KIRREL3: variants seen among roughly 807,000 people sequenced by gnomAD.
KIRREL3 encodes kirre like nephrin family adhesion molecule 3.
A neutral mutation model predicts 89.7 loss-of-function variants in KIRREL3; 36 were observed. The ratio of observed to expected loss-of-function variants is 0.40; its 90% CI spans 0.31 to 0.53. The LOEUF is 0.53. Ranked by LOEUF, KIRREL3 falls within the 20% of genes least tolerant of loss-of-function variation. The pLI is 0.49. For synonymous variants in KIRREL3, 445 were observed against 441.4 expected, an observed-to-expected ratio of 1.01 and a Z score of -0.10; for missense variants, 864 against 1,056.6, an observed-to-expected ratio of 0.82 and a Z score of 2.53.
At chr11:126,800,734 A>AC (rs2134392471) in intron 1 of KIRREL3, among the ~76,000 whole-genome samples, 1 of 152,238 alleles carries the variant, frequency 6.6e-6, no homozygotes, top group South Asian at 2.1e-4. Context: ...CAAACAGGCC[A>AC]CCCCTACAGC....
chr11:126,564,684 C>T lies in KIRREL3; in HGVS notation c.56-1772G>A, dbSNP rs889960043. 2.0e-5 allele frequency among the ~76,000 whole-genome samples: 3 copies of T among 152,182 alleles called. No homozygotes were observed. The highest frequency in any genetic ancestry group is 1.9e-4 in the East Asian group (1 of 5,176). ...CTTTCTTCAGGGGCTCCTGCTCTGTCGCAGGCCTCATGGATCAAAGCCCCT... is the reference window on the plus strand; with the variant it reads ...CTTTCTTCAGGGGCTCCTGCTCTGTTGCAGGCCTCATGGATCAAAGCCCCT... On this transcript the variant is annotated intron_variant, in intron 1 of 16. Coordinates refer to ENST00000525144, the MANE Select transcript of KIRREL3 (RefSeq NM_032531.4). The surrounding 1 kb of genome is among the most constrained non-coding windows in gnomAD (Gnocchi z 7.4).
At chr11:126,497,684 T>C (rs1191860264) in intron 4 of KIRREL3, among the ~76,000 whole-genome samples, 1 of 152,232 alleles carries the variant, frequency 6.6e-6, no homozygotes, top group Non-Finnish European at 1.5e-5. Context: ...GTAAGCTGCT[T>C]GAACTGAGAA....
At position 126,465,170 on chromosome 11, in the gene KIRREL3, G is replaced by A. The variant is rs138673451; in HGVS notation, c.592-1863C>T. 3.5e-3 allele frequency among the ~76,000 whole-genome samples: 537 copies of A among 152,232 alleles called. 5 individuals are homozygous for A. The highest frequency in any genetic ancestry group is 8.1e-3 in the Admixed American group (124 of 15,304). On this transcript the variant is annotated intron_variant, in intron 5 of 16. Transcript: ENST00000525144. ...GTACTAGGAAGGAACCTCACTATGGGTGCAGTCCTGTTTCCCCCGACTGGA... is the reference window on the plus strand; with the variant it reads ...GTACTAGGAAGGAACCTCACTATGGATGCAGTCCTGTTTCCCCCGACTGGA...
rs1010906485 is a variant in KIRREL3, at chr11:126,570,644, T to G, written c.56-7732A>C. The stretch of plus-strand genomic sequence containing the variant: ...CACTGGGATAACCCTTTGCCAGCCC[T>G]GCCTTCTCCAGCCTGCTCCAGCCAT... On this transcript the variant is annotated intron_variant, in intron 1 of 16. Coordinates refer to ENST00000525144, the MANE Select transcript of KIRREL3 (RefSeq NM_032531.4). The surrounding 1 kb of genome is among the most constrained non-coding windows in gnomAD (Gnocchi z 6.1). Among the ~76,000 whole-genome samples the G allele has an allele frequency of 2.0e-5, 3 of 152,206 alleles. No homozygotes were observed. The highest frequency in any genetic ancestry group is 4.4e-5 in the Non-Finnish European group (3 of 68,030).
At chr11:126,453,127 C>G (rs567703233) in intron 7 of KIRREL3, among the ~76,000 whole-genome samples, 1 of 143,570 alleles carries the variant, frequency 7.0e-6, no homozygotes, top group Admixed American at 7.3e-5. Context: ...CAGCTTAAGC[C>G]TCTCCCAATC....
intron 1 of KIRREL3, among the ~76,000 whole-genome samples, chr11:126,596,229 G>A (rs1275038905): frequency 2.0e-5 from 3 of 152,230 alleles, no homozygotes; most frequent in Admixed American, 2.0e-4. Context: ...CAACCAACAA[G>A]AATGTTCTGT....
chr11:126,928,678 C>T (rs1169116816), intron 1 of KIRREL3, among the ~76,000 whole-genome samples: 1 of 152,196 alleles, frequency 6.6e-6, no homozygotes, highest in African/African-American at 2.4e-5. Flanking sequence ...ACCAGCATGA[C>T]TGGGTGGAAA....
Position 126,544,985 on chromosome 11 carries a change from G to A in KIRREL3, c.133+17850C>T, listed in dbSNP as rs924319856. Among the ~76,000 whole-genome samples the A allele has an allele frequency of 1.3e-5, 2 of 152,104 alleles. No homozygotes were observed. The highest frequency in any genetic ancestry group is 2.1e-4 in the South Asian group (1 of 4,820). On this transcript the variant is annotated intron_variant, in intron 2 of 16. Transcript: ENST00000525144. This position sits in a 1 kb window ranked among gnomAD's most constrained non-coding sequence, Gnocchi z 5.6. ...AATCTAATAAATTACTTGGTACCCGGCTGCCAGCTCAGACTAAGCCCAATA... is the reference window on the plus strand; with the variant it reads ...AATCTAATAAATTACTTGGTACCCGACTGCCAGCTCAGACTAAGCCCAATA...
At chr11:126,681,815 T>C (rs1292552155) in intron 1 of KIRREL3, 10 of 448,302 alleles carry the variant, frequency 2.2e-5, no homozygotes, top group South Asian at 1.4e-4. Context: ...TGGATCAGTA[T>C]TCCTGAGGAA....
At chr11:126,725,159 T>C (rs1389218690) in intron 1 of KIRREL3, among the ~76,000 whole-genome samples, 1 of 152,202 alleles carries the variant, frequency 6.6e-6, no homozygotes, top group African/African-American at 2.4e-5. Context: ...GGGTAACCAC[T>C]GAGGCAGCAG....
chr11:126,932,421 A>G (rs1363848848), intron 1 of KIRREL3, among the ~76,000 whole-genome samples: 1 of 152,084 alleles, frequency 6.6e-6, no homozygotes, highest in Non-Finnish European at 1.5e-5. Context: ...CGTCTTGGAC[A>G]CCGAAAGTGG....
rs1354669658 is a variant in KIRREL3, at chr11:126,443,011, G to A, written c.1252+1968C>T. ...AGTGCCCTCCCCGTCCAAGAGAAAT[G>A]TCCCTCCCGGCCTGTGTTCCCCAGG... is the stretch of plus-strand genomic sequence containing the variant. On this transcript the variant is annotated intron_variant, in intron 10 of 16. Transcript: ENST00000525144. This position sits in a 1 kb window ranked among gnomAD's most constrained non-coding sequence, Gnocchi z 7.3. Among the ~76,000 whole-genome samples, 1 of 152,186 alleles carries A rather than the reference G, an allele frequency of 6.6e-6. No homozygotes were observed. Among genetic ancestry groups the A allele is most frequent in the East Asian group, 1.9e-4 (1 of 5,188 alleles).
At chr11:126,925,097 CGGGGG>C (rs5795536) in intron 1 of KIRREL3, among the ~76,000 whole-genome samples, 28 of 94,070 alleles carry the variant, frequency 3.0e-4, no homozygotes, top group South Asian at 9.5e-4. Flanking sequence ...ATAAAAAGGT[CGGGGG>C]GGGGGGGGGG....
Position 126,427,048 on chromosome 11 carries a change from C to T in KIRREL3, c.1807-1324G>A, listed in dbSNP as rs946894734. ...TCTGCTCCCACCTGACACTGAGCTG[C>T]CCCCACTCTTGCCTGTGGATTTGGA... On this transcript the variant is annotated intron_variant, in intron 15 of 16. Transcript: ENST00000525144. This position sits in a 1 kb window ranked among gnomAD's most constrained non-coding sequence, Gnocchi z 5.3. 6.6e-6 allele frequency among the ~76,000 whole-genome samples: 1 copy of T among 152,156 alleles called. No homozygotes were observed. The highest frequency in any genetic ancestry group is 1.5e-5 in the Non-Finnish European group (1 of 68,034).
At chr11:126,586,168 G>A (rs1338939375) in intron 1 of KIRREL3, among the ~76,000 whole-genome samples, 1 of 152,172 alleles carries the variant, frequency 6.6e-6, no homozygotes, top group Non-Finnish European at 1.5e-5. Flanking sequence ...GCACATTAGG[G>A]AAAACACAGC....
At chr11:126,875,684 T>C (rs1307999543) in intron 1 of KIRREL3, among the ~76,000 whole-genome samples, 1 of 152,240 alleles carries the variant, frequency 6.6e-6, no homozygotes, top group Non-Finnish European at 1.5e-5. Context: ...AAAGTGACAG[T>C]GCTCTGGATA....
intron 1 of KIRREL3, among the ~76,000 whole-genome samples, chr11:126,712,530 A>G (rs1394281519): frequency 6.6e-6 from 1 of 152,140 alleles, no homozygotes; most frequent in African/African-American, 2.4e-5. Flanking sequence ...GGGATGTGGG[A>G]GGAGAAGAGA....
intron 1 of KIRREL3, among the ~76,000 whole-genome samples, chr11:126,868,143 T>G (rs964660503): frequency 6.6e-6 from 1 of 152,046 alleles, no homozygotes; most frequent in Non-Finnish European, 1.5e-5. Context: ...TACTTCAAAT[T>G]AACCAGTCAG....
intron 10 of KIRREL3, among the ~76,000 whole-genome samples, 195 bp downstream of exon 10, chr11:126,444,784 A>C (rs770086447): frequency 6.6e-6 from 1 of 152,068 alleles, no homozygotes; most frequent in Non-Finnish European, 1.5e-5. Context: ...CTAGAAAACT[A>C]CCCAGGCCCT....
Sources: gnomAD v4.1 joint callset for allele counts (sites outside exome capture counted in the v4.1 genomes callset) on GRCh38, gnomAD v4.1.1 for gene constraint, Gnocchi (gnomAD v3.1) non-coding constraint, MANE v1.5 for transcripts, NCBI Gene and HGNC (gene_info 2026-07-23, HGNC 2026-07-21) for gene names.